Variants in CSMD1 observed in about 807,000 individuals in gnomAD.
CSMD1 encodes the protein CUB and sushi domain-containing protein 1.
Under a neutral mutation model 417.5 loss-of-function variants are expected in CSMD1, and 213 were observed. The ratio of observed to expected loss-of-function variants is 0.51; its 90% CI spans 0.46 to 0.57. The LOEUF (loss-of-function observed/expected upper bound fraction) is 0.57. Ranked by LOEUF, CSMD1 falls within the 20% of genes least tolerant of loss-of-function variation. The pLI is 0.00. For synonymous variants in CSMD1, 2,862 were observed against 1,736.8 expected, an observed-to-expected ratio of 1.65 and a Z score of -16.11; for missense variants, 6,923 against 4,529.7, an observed-to-expected ratio of 1.53 and a Z score of -15.17.
intron 37 of CSMD1, among the ~76,000 whole-genome samples, chr8:3,176,776 T>C (rs1177319737): frequency 2.5e-5 from 3 of 120,784 alleles, no homozygotes; most frequent in East Asian, 5.5e-4. Context: ...CTTTTTCTTT[T>C]TCTTTCTTTT....
chr8:3,247,779 C>G (rs914200048), intron 26 of CSMD1, among the ~76,000 whole-genome samples: 1 of 152,088 alleles, frequency 6.6e-6, no homozygotes, highest in African/African-American at 2.4e-5. Context: ...AACAAAAAAC[C>G]AAATTACACA....
At chr8:3,469,640 TCAAA>T (rs2117191081) in intron 11 of CSMD1, among the ~76,000 whole-genome samples, 1 of 152,250 alleles carries the variant, frequency 6.6e-6, no homozygotes, top group Non-Finnish European at 1.5e-5. Flanking sequence ...ATGTCCCTAA[TCAAA>T]TAGGAAGCTT....
intron 2 of CSMD1, among the ~76,000 whole-genome samples, chr8:4,593,959 C>G (rs1473081702): frequency 6.6e-6 from 1 of 152,066 alleles, no homozygotes; most frequent in East Asian, 1.9e-4. Context: ...CACGTTCCCT[C>G]CAAACCCTGC....
At chr8:4,651,034 T>C (rs527802990) in intron 1 of CSMD1, among the ~76,000 whole-genome samples, 38 of 152,072 alleles carry the variant, frequency 2.5e-4, no homozygotes, top group Non-Finnish European at 5.1e-4. Context: ...TATTCACTGA[T>C]CAAAGCAGTA....
At chr8:3,470,897 C>G (rs1385337051) in intron 11 of CSMD1, among the ~76,000 whole-genome samples, 1 of 152,112 alleles carries the variant, frequency 6.6e-6, no homozygotes, top group Non-Finnish European at 1.5e-5. Context: ...TGTGGATATA[C>G]CACAGCTTGC....
chr8:2,971,750 T>A (rs1380586079), intron 57 of CSMD1, among the ~76,000 whole-genome samples: 1 of 152,212 alleles, frequency 6.6e-6, no homozygotes, highest in East Asian at 1.9e-4. Context: ...AACAAATTTA[T>A]ATCAATTTAT....
intron 5 of CSMD1, among the ~76,000 whole-genome samples, chr8:3,840,695 T>TTA (rs1168074253): frequency 4.4e-4 from 63 of 143,632 alleles, no homozygotes; most frequent in African/African-American, 9.5e-4. Context: ...TTTTTTTAAT[T>TTA]TTTTTTTTTT....
rs79620026 is a variant in CSMD1, at chr8:3,965,172, A to C, written c.818+32731T>G. On this transcript the variant is annotated intron_variant, in intron 5 of 69. Transcript: ENST00000635120. ...TAGTTTCTTGCTTTTTAACAGTAAG[A>C]GTTCATAACAAAAGACCAGGAGACA... Among the ~76,000 whole-genome samples, 1,205 of 152,310 alleles carry C rather than the reference A, an allele frequency of 7.9e-3. 18 individuals carry two copies. The highest frequency in any genetic ancestry group is 0.028 in the African/African-American group (1,153 of 41,566).
intron 26 of CSMD1, among the ~76,000 whole-genome samples, chr8:3,243,459 C>A (rs1468882727): frequency 1.4e-5 from 2 of 140,810 alleles, no homozygotes; most frequent in Admixed American, 7.7e-5. Context: ...AGGAAAATTA[C>A]AGTCAAAGGG....
At chr8:3,849,606 C>T (rs73508762) in intron 5 of CSMD1, among the ~76,000 whole-genome samples, 1 of 152,018 alleles carries the variant, frequency 6.6e-6, no homozygotes, top group Non-Finnish European at 1.5e-5. Context: ...AACAGTGATT[C>T]CTGGGCCTGT....
chr8:3,585,815 C>T (rs561333542), intron 9 of CSMD1, among the ~76,000 whole-genome samples: 9 of 152,230 alleles, frequency 5.9e-5, no homozygotes, highest in Non-Finnish European at 1.2e-4. Flanking sequence ...ACCTTTCCGG[C>T]AGGTCCAGCT....
intron 5 of CSMD1, among the ~76,000 whole-genome samples, chr8:3,890,889 GTGTGCTAGCTACTCTCTCATAGGACTA>G (rs1467268104): frequency 3.3e-5 from 5 of 152,138 alleles, no homozygotes; most frequent in Non-Finnish European, 7.4e-5. Context: ...GATTTCTTGA[GTGTGCTAGCTACTCTCTCATAGGACTA>G]TGTGCTAGCT....
intron 3 of CSMD1, among the ~76,000 whole-genome samples, chr8:4,183,369 C>G (rs1258788522): frequency 6.6e-6 from 1 of 152,124 alleles, no homozygotes; most frequent in African/African-American, 2.4e-5. Flanking sequence ...TAAATGGTAA[C>G]TTCTTCTTTC....
intron 6 of CSMD1, among the ~76,000 whole-genome samples, chr8:3,714,486 G>C (rs900679200): frequency 6.9e-6 from 1 of 144,602 alleles, no homozygotes; most frequent in Non-Finnish European, 1.5e-5. Context: ...ACTTTGGGAG[G>C]CTGAGACAGG....
At chr8:4,738,013 T>C (rs942878930) in intron 1 of CSMD1, among the ~76,000 whole-genome samples, 1 of 152,164 alleles carries the variant, frequency 6.6e-6, no homozygotes, top group Non-Finnish European at 1.5e-5. Flanking sequence ...TCTCCACATG[T>C]AACTTGGAGA....
chr8:2,954,522 C>G (rs1331371224), intron 64 of CSMD1, among the ~76,000 whole-genome samples: 1 of 152,116 alleles, frequency 6.6e-6, no homozygotes, highest in Admixed American at 6.5e-5. Context: ...AGTGCTACAA[C>G]AGAGAGCCTT....
chr8:4,291,991 G>A (rs1321255073), intron 3 of CSMD1, among the ~76,000 whole-genome samples: 4 of 152,098 alleles, frequency 2.6e-5, no homozygotes, highest in Non-Finnish European at 4.4e-5. Context: ...AGTTTGAGAC[G>A]CCAGAGTGAG....
At chr8:3,979,568 A>G (rs1454685481) in intron 5 of CSMD1, among the ~76,000 whole-genome samples, 2 of 152,200 alleles carry the variant, frequency 1.3e-5, no homozygotes, top group Admixed American at 6.5e-5. Context: ...GAAAACACCT[A>G]CAGGAAGATG....
intron 12 of CSMD1, among the ~76,000 whole-genome samples, chr8:3,451,994 A>G (rs1815756218): frequency 1.3e-5 from 2 of 152,102 alleles, no homozygotes; most frequent in East Asian, 1.9e-4. Context: ...TATTTCATTG[A>G]GCAGTGGTTT....
Sources: gnomAD v4.1 joint callset for allele counts (sites outside exome capture counted in the v4.1 genomes callset) on GRCh38, gnomAD v4.1.1 for gene constraint, MANE v1.5 for transcripts, NCBI Gene and HGNC (gene_info 2026-07-23, HGNC 2026-07-21) for gene names.